The following PTPN4 variants were observed in gnomAD, a reference collection of about 807,000 sequenced individuals.
PTPN4 encodes the protein tyrosine-protein phosphatase non-receptor type 4.
PTPN4 carries 49 observed loss-of-function variants against 135.5 expected under a neutral mutation model. The observed-to-expected ratio is 0.36, with a 90% CI of 0.29 to 0.46. The LOEUF is 0.46. PTPN4 is among the 20% of genes least tolerant of loss of function. The probability of loss-of-function intolerance (pLI) is 1.00; values close to 1 mark genes in which losing one functional copy is unlikely to be tolerated. For missense variants in PTPN4, 860 were observed against 1,101.0 expected, an observed-to-expected ratio of 0.78 and a Z score of 3.10; for synonymous variants, 333 against 369.9, an observed-to-expected ratio of 0.90 and a Z score of 1.14.
At chr2:119,825,186 G>C (rs1677128636) in intron 2 of PTPN4, among the ~76,000 whole-genome samples, 1 of 152,038 alleles carries the variant, frequency 6.6e-6, no homozygotes, top group Non-Finnish European at 1.5e-5. Context: ...AGTTTTAATA[G>C]TTTTGAATAA....
At chr2:119,837,490 T>C (rs1013974967) in intron 2 of PTPN4, among the ~76,000 whole-genome samples, 1 of 151,536 alleles carries the variant, frequency 6.6e-6, no homozygotes, top group African/African-American at 2.4e-5. Context: ...TGTCGCTCCG[T>C]GAACTCCTCT....
At chr2:119,954,347 A>C (rs956907579) in intron 19 of PTPN4, among the ~76,000 whole-genome samples, 3 of 152,138 alleles carry the variant, frequency 2.0e-5, no homozygotes, top group Non-Finnish European at 4.4e-5. Flanking sequence ...GCCAAGCTGT[A>C]ACCTCCCTTC....
chr2:119,914,313 A>C (rs1352536727), intron 10 of PTPN4, among the ~76,000 whole-genome samples: 5 of 127,700 alleles, frequency 3.9e-5, no homozygotes, highest in African/African-American at 1.2e-4. Context: ...ATGACAGAAT[A>C]TTTTTCCCAT....
chr2:119,960,767 T>C (rs373662793), intron 22 of PTPN4, 40 bp from the exon 23 acceptor site: 8 of 1,591,078 alleles, frequency 5.0e-6, no homozygotes, highest in Non-Finnish European at 6.8e-6. Flanking sequence ...CTGTAAAAAG[T>C]AATGCAAAAC....
intron 1 of PTPN4, among the ~76,000 whole-genome samples, chr2:119,790,448 T>C (rs1346406422): frequency 1.3e-5 from 2 of 152,090 alleles, no homozygotes. Context: ...GTAAAACTTA[T>C]TATCTAGTAG....
chr2:119,963,554 C>A (rs1679402290), intron 24 of PTPN4, among the ~76,000 whole-genome samples: 1 of 152,152 alleles, frequency 6.6e-6, no homozygotes, highest in South Asian at 2.1e-4. Flanking sequence ...TCCCCTCCAA[C>A]CCCAAGAGCA....
At chr2:119,950,286 C>T (rs899820381) in intron 18 of PTPN4, among the ~76,000 whole-genome samples, 6 of 152,170 alleles carry the variant, frequency 3.9e-5, no homozygotes, top group Non-Finnish European at 5.9e-5. Context: ...AAGCATCATA[C>T]TGCTAGTGCA....
At chr2:119,924,811 GT>G (rs778651807) in intron 12 of PTPN4, among the ~76,000 whole-genome samples, 9 of 152,028 alleles carry the variant, frequency 5.9e-5, no homozygotes, top group Non-Finnish European at 1.0e-4. Flanking sequence ...GAAAATTAAG[GT>G]ATCAGTCAGA....
intron 15 of PTPN4, among the ~76,000 whole-genome samples, chr2:119,937,579 C>G (rs1430799871): frequency 1.3e-5 from 2 of 152,152 alleles, no homozygotes; most frequent in Non-Finnish European, 1.5e-5. Flanking sequence ...CTTTTTTTCA[C>G]TGCTGTTGTT....
chr2:119,885,213 AAAAT>A (rs1299248884), intron 8 of PTPN4, among the ~76,000 whole-genome samples: 5 of 152,224 alleles, frequency 3.3e-5, no homozygotes, highest in Non-Finnish European at 7.3e-5. Context: ...AATTACTAGA[AAAAT>A]AAAGTGGAGA....
chr2:119,802,508 A>G (rs768934270), intron 1 of PTPN4, among the ~76,000 whole-genome samples: 1 of 152,186 alleles, frequency 6.6e-6, no homozygotes, highest in Non-Finnish European at 1.5e-5. Context: ...AATAAGGTGG[A>G]TTATATTGAT....
At chr2:119,902,889 C>T (rs1270567020) in intron 10 of PTPN4, among the ~76,000 whole-genome samples, 1 of 152,134 alleles carries the variant, frequency 6.6e-6, no homozygotes, top group African/African-American at 2.4e-5. Context: ...GGAGTTTGCA[C>T]TCCCTCTACA....
intron 5 of PTPN4, 103 bp downstream of exon 5, chr2:119,877,645 C>A: frequency 7.3e-7 from 1 of 1,372,286 alleles, no homozygotes; most frequent in Non-Finnish European, 9.7e-7. Flanking sequence ...TAATTCTGAG[C>A]TTTCCAGTCA....
At chr2:119,927,532 AG>A (rs1317649332) in intron 13 of PTPN4, among the ~76,000 whole-genome samples, 1 of 152,244 alleles carries the variant, frequency 6.6e-6, no homozygotes, top group African/African-American at 2.4e-5. Context: ...AGAAACTATA[AG>A]GTAATTGCAG....
intron 24 of PTPN4, among the ~76,000 whole-genome samples, chr2:119,963,967 A>C (rs376631104): frequency 2.0e-5 from 3 of 152,174 alleles, no homozygotes; most frequent in Non-Finnish European, 4.4e-5. Context: ...GACATGAGTT[A>C]GTTTCTAAAG....
chr2:119,784,426 G>A (rs1245961354), intron 1 of PTPN4, among the ~76,000 whole-genome samples: 10 of 133,266 alleles, frequency 7.5e-5, no homozygotes, highest in African/African-American at 2.5e-4. Flanking sequence ...TTGCTCTGTC[G>A]CCCAGGCTGG....
intron 1 of PTPN4, among the ~76,000 whole-genome samples, chr2:119,775,689 C>G (rs1381086051): frequency 1.3e-5 from 2 of 152,162 alleles, no homozygotes. Context: ...GCTGTGAAAG[C>G]CATCAGGCCT....
intron 2 of PTPN4, among the ~76,000 whole-genome samples, chr2:119,811,078 C>A (rs947991979): frequency 2.0e-5 from 3 of 147,232 alleles, no homozygotes; most frequent in Non-Finnish European, 4.5e-5. Flanking sequence ...CGGGGCCAGT[C>A]GGGGGATTAG....
intron 26 of PTPN4, among the ~76,000 whole-genome samples, chr2:119,976,653 T>C (rs72952832): frequency 0.025 from 3,881 of 152,262 alleles, 167 homozygotes; most frequent in African/African-American, 0.088. Context: ...TTCTGGTTTA[T>C]TTTTTGGATA....
Sources: gnomAD v4.1 joint callset for allele counts (sites outside exome capture counted in the v4.1 genomes callset) on GRCh38, gnomAD v4.1.1 for gene constraint, MANE v1.5 for transcripts, NCBI Gene and HGNC (gene_info 2026-07-23, HGNC 2026-07-21) for gene names.